Variants in SLC35F4 observed in about 807,000 individuals in gnomAD.
SLC35F4 encodes the protein chromosome 14 open reading frame 36.
In SLC35F4, 24 loss-of-function variants were observed where a neutral mutation model predicts 44.2. That is an observed-to-expected ratio of 0.54 (90% confidence interval 0.39 to 0.76). The LOEUF (loss-of-function observed/expected upper bound fraction) is 0.76. SLC35F4 is among the 30% of genes least tolerant of loss of function. SLC35F4 has a pLI of 0.00. For missense variants in SLC35F4, 562 were observed against 586.1 expected (o/e 0.96, Z 0.42); for synonymous variants, 238 against 223.6 (o/e 1.06, Z -0.57).
chr14:57,580,425 C>A, intron 4 of SLC35F4: 1 of 209,032 alleles, frequency 4.8e-6, no homozygotes, highest in South Asian at 6.1e-5. Flanking sequence ...TGAGAAAAGG[C>A]AATTCATTTA....
intron 1 of SLC35F4, among the ~76,000 whole-genome samples, chr14:57,883,140 G>A (rs531280708): frequency 6.6e-6 from 1 of 152,232 alleles, no homozygotes; most frequent in African/African-American, 2.4e-5. Context: ...AACAGACCCA[G>A]ACCAAAGCTT....
At chr14:57,797,716 G>A (rs930135965) in intron 1 of SLC35F4, among the ~76,000 whole-genome samples, 3 of 152,154 alleles carry the variant, frequency 2.0e-5, no homozygotes, top group African/African-American at 7.2e-5. Flanking sequence ...AGTTAACTGA[G>A]AAGAAATTTG....
intron 1 of SLC35F4, among the ~76,000 whole-genome samples, chr14:57,757,633 TAC>T (rs1594976091): frequency 6.6e-6 from 1 of 152,196 alleles, no homozygotes; most frequent in African/African-American, 2.4e-5. Context: ...CTTACATGTA[TAC>T]TAAGAACTTT....
intron 1 of SLC35F4, among the ~76,000 whole-genome samples, chr14:57,625,832 C>T (rs1384182655): frequency 6.6e-6 from 1 of 152,020 alleles, no homozygotes; most frequent in Non-Finnish European, 1.5e-5. Context: ...GGGTATATAC[C>T]CAAAGGATTA....
intron 1 of SLC35F4, chr14:57,596,655 T>A (rs1157415100): frequency 6.4e-6 from 4 of 628,050 alleles, no homozygotes; most frequent in Non-Finnish European, 1.1e-5. Context: ...CAAGTTGGGA[T>A]GGGATTGAGA....
intron 1 of SLC35F4, among the ~76,000 whole-genome samples, chr14:57,690,462 C>G (rs750136378): frequency 3.9e-5 from 6 of 152,000 alleles, no homozygotes; most frequent in Non-Finnish European, 8.8e-5. Flanking sequence ...TTCTTGTCTT[C>G]TATACCAGCA....
At chr14:57,860,371 A>G (rs1421797059) in intron 1 of SLC35F4, among the ~76,000 whole-genome samples, 1 of 152,228 alleles carries the variant, frequency 6.6e-6, no homozygotes, top group Non-Finnish European at 1.5e-5. Flanking sequence ...AGGTGGGTGA[A>G]GAGAGGCGAA....
intron 1 of SLC35F4, among the ~76,000 whole-genome samples, chr14:57,900,901 A>C (rs902352802): frequency 6.6e-6 from 1 of 152,260 alleles, no homozygotes; most frequent in African/African-American, 2.4e-5. Flanking sequence ...ACATGCAGCC[A>C]ACAAACATAT....
chr14:57,587,886 A>G (rs908344462), intron 3 of SLC35F4, among the ~76,000 whole-genome samples: 7 of 151,276 alleles, frequency 4.6e-5, no homozygotes, highest in African/African-American at 1.7e-4. Context: ...AAAAAAAAAA[A>G]AAGAAAATGG....
chr14:57,658,507 A>G (rs906295257), intron 1 of SLC35F4, among the ~76,000 whole-genome samples: 1 of 152,198 alleles, frequency 6.6e-6, no homozygotes, highest in Non-Finnish European at 1.5e-5. Context: ...AGAATGAAGA[A>G]GTTCCTTTAG....
At chr14:57,657,643 A>G (rs1432961188) in intron 1 of SLC35F4, among the ~76,000 whole-genome samples, 4 of 152,112 alleles carry the variant, frequency 2.6e-5, no homozygotes, top group African/African-American at 9.7e-5. Flanking sequence ...TAGAAAGTTT[A>G]TACTATGAGG....
chr14:57,740,909 G>A (rs986391755), intron 1 of SLC35F4, among the ~76,000 whole-genome samples: 2 of 152,170 alleles, frequency 1.3e-5, no homozygotes, highest in African/African-American at 2.4e-5. Context: ...ACACGGCCGG[G>A]TGCCCCTCTG....
In SLC35F4 at chr14:57,874,470, G is replaced by A. The variant is rs114765991; in HGVS notation, n.282+107443C>T. 9.3e-3 allele frequency among the ~76,000 whole-genome samples: 1,420 copies of A among 152,232 alleles called. 28 individuals are homozygous for A. Among genetic ancestry groups the A allele is most frequent in the African/African-American group, 0.032 (1,335 of 41,544 alleles). On this transcript the variant is annotated intron_variant and non_coding_transcript_variant, in intron 1 of 1. Transcript: ENST00000556568. ...ATCACTTTCTCAAAGTACGAGCAAG[G>A]CACAAACACTCAAGATAGGTTGACT...
At chr14:57,888,803 C>A (rs1358452669) in intron 1 of SLC35F4, among the ~76,000 whole-genome samples, 1 of 152,152 alleles carries the variant, frequency 6.6e-6, no homozygotes, top group African/African-American at 2.4e-5. Flanking sequence ...CCAGTTGTGG[C>A]TCTAAACATA....
chr14:57,981,163 C>G (rs1229322803), intron 1 of SLC35F4, among the ~76,000 whole-genome samples: 1 of 152,174 alleles, frequency 6.6e-6, no homozygotes, highest in Non-Finnish European at 1.5e-5. Context: ...GCAAAAATGT[C>G]GCTGGTTTCT....
At chr14:57,611,794 T>G (rs1261995811) in intron 1 of SLC35F4, among the ~76,000 whole-genome samples, 1 of 152,060 alleles carries the variant, frequency 6.6e-6, no homozygotes, top group Non-Finnish European at 1.5e-5. Context: ...GAAAGGTAGA[T>G]AACATCAAAG....
At chr14:57,608,154 A>G (rs529240830) in intron 1 of SLC35F4, among the ~76,000 whole-genome samples, 1 of 152,260 alleles carries the variant, frequency 6.6e-6, no homozygotes, top group South Asian at 2.1e-4. Flanking sequence ...TCATCAGTGT[A>G]TGGAAAAGTC....
At chr14:57,601,612 A>G (rs144758349) in intron 1 of SLC35F4, among the ~76,000 whole-genome samples, 3,401 of 152,324 alleles carry the variant, frequency 0.022, 69 homozygotes, top group South Asian at 0.048. Flanking sequence ...TCTAAAATCT[A>G]TATCTGAAAG....
chr14:57,887,093 A>G (rs1222940408), intron 1 of SLC35F4, among the ~76,000 whole-genome samples: 1 of 152,204 alleles, frequency 6.6e-6, no homozygotes, highest in African/African-American at 2.4e-5. Context: ...ATCTGTGGGG[A>G]ATGCAGGAAT....
Sources: allele counts gnomAD v4.1 joint callset (sites outside exome capture counted in the v4.1 genomes callset), GRCh38; gene constraint gnomAD v4.1.1; transcripts MANE v1.5; gene names NCBI Gene and HGNC (gene_info 2026-07-23, HGNC 2026-07-21).